The following ACTN2 variants were observed in gnomAD, a reference collection of about 807,000 sequenced individuals.
ACTN2 encodes the protein alpha-actinin-2.
ACTN2 carries 39 observed loss-of-function variants against 113.8 expected under a neutral mutation model. The observed-to-expected ratio is 0.34, with a 90% CI of 0.27 to 0.45. The LOEUF is 0.45. Among genes scored for constraint, ACTN2 ranks in the 20% least tolerant of loss-of-function variants. ACTN2 has a pLI of 1.00. For synonymous variants in ACTN2, 429 were observed against 444.1 expected (o/e 0.97, Z 0.43); for missense variants, 992 against 1,177.9 (o/e 0.84, Z 2.31).
At chr1:236,698,594 TG>T (rs1179831860) in intron 1 of ACTN2, among the ~76,000 whole-genome samples, 3 of 152,218 alleles carry the variant, frequency 2.0e-5, no homozygotes, top group African/African-American at 7.2e-5. Context: ...AAATATAAGG[TG>T]GCTGATTATT....
chr1:236,696,588 T>G (rs1421835985), intron 1 of ACTN2, among the ~76,000 whole-genome samples: 1 of 152,188 alleles, frequency 6.6e-6, no homozygotes, highest in Non-Finnish European at 1.5e-5. Context: ...ATGAAATACT[T>G]GATGCTGACC....
chr1:236,757,317 G>A (rs1659578394), intron 17 of ACTN2, among the ~76,000 whole-genome samples, 169 bp from the exon 18 acceptor site: 1 of 152,208 alleles, frequency 6.6e-6, no homozygotes, highest in Non-Finnish European at 1.5e-5. Flanking sequence ...TCTCACTACA[G>A]AATCTTGCAA....
At chr1:236,706,821 C>A (rs1657836180) in intron 1 of ACTN2, among the ~76,000 whole-genome samples, 1 of 152,314 alleles carries the variant, frequency 6.6e-6, no homozygotes, top group East Asian at 1.9e-4. Flanking sequence ...AAAACTTTAA[C>A]AGGTACAAGC....
At chr1:236,752,508 T>TGGGGG (rs1659425538) in intron 15 of ACTN2, among the ~76,000 whole-genome samples, 2 of 127,296 alleles carry the variant, frequency 1.6e-5, no homozygotes, top group Non-Finnish European at 1.6e-5. Context: ...CTTGCGGGGG[T>TGGGGG]GGGGGCGGGG....
At chr1:236,761,403 T>C (rs1252543062) in intron 20 of ACTN2, among the ~76,000 whole-genome samples, 1 of 150,818 alleles carries the variant, frequency 6.6e-6, no homozygotes, top group Non-Finnish European at 1.5e-5. Flanking sequence ...TGAGTTTTTA[T>C]AGAAGGGACA....
chr1:236,712,769 A>C (rs1277278198), intron 1 of ACTN2, among the ~76,000 whole-genome samples: 1 of 152,196 alleles, frequency 6.6e-6, no homozygotes, highest in African/African-American at 2.4e-5. Flanking sequence ...TATATCCAGA[A>C]GTGCTTCTGA....
chr1:236,736,529 G>C (rs946525997), intron 8 of ACTN2: 2 of 1,369,480 alleles, frequency 1.5e-6, no homozygotes, highest in African/African-American at 2.9e-5. Context: ...ACAGAGAATT[G>C]TGTATTACCT....
At position 236,736,650 on chromosome 1, in the gene ACTN2, A is replaced by C. The variant is rs1413247579; in HGVS notation, c.784-472A>C. ...CATATCAGGAGATGAGGAGGTCTTC[A>C]GTGAATTCAAGTGCAATGGTATATC... On this transcript the variant is annotated intron_variant, in intron 8 of 20. Coordinates refer to ENST00000366578, the MANE Select transcript of ACTN2 (RefSeq NM_001103.4). The C allele has an allele frequency of 2.9e-5, 44 of 1,529,988 alleles. No individual in the cohort carries two copies. The highest frequency in any genetic ancestry group is 8.8e-7 in the Non-Finnish European group (1 of 1,141,534). The allele number at this position is 1,529,988 out of a possible 1,614,324, so 94.8% of individuals were successfully genotyped here.
chr1:236,745,979 C>G lies in ACTN2; in HGVS notation c.1406+1203C>G, dbSNP rs141236994. Reference sequence around the variant, plus strand: ...GAGATCAAGACCATCCTGGCTAACACGGTGAAACCCCGTATCTACTAAAAA... The same window carrying G: ...GAGATCAAGACCATCCTGGCTAACAGGGTGAAACCCCGTATCTACTAAAAA... On this transcript the variant is annotated intron_variant, in intron 12 of 20. Coordinates refer to ENST00000366578, the MANE Select transcript of ACTN2 (RefSeq NM_001103.4). 8.7e-3 allele frequency among the ~76,000 whole-genome samples: 1,326 copies of G among 151,706 alleles called. 9 individuals are homozygous for G. The highest frequency in any genetic ancestry group is 0.015 in the Non-Finnish European group (990 of 67,896).
rs1049545925 is a variant in ACTN2, at chr1:236,762,731, A to G, written c.*112A>G. 3.1e-4 allele frequency: 392 copies of G among 1,258,722 alleles called. 2 individuals are homozygous for G. The highest frequency in any genetic ancestry group is 5.0e-4 in the Middle Eastern group (2 of 3,988). 78.0% of individuals were successfully genotyped at this position (1,258,722 alleles called of 1,614,324 possible). On this transcript the variant is annotated 3_prime_UTR_variant, in exon 21 of 21. Transcript: ENST00000366578. ...ATTAAGTTGAGAGAGAGAGAGGGGA[A>G]AAAAAAAAGCCTTTCGTAGTTCAGT...
At chr1:236,721,720 G>C (rs1242437897) in intron 4 of ACTN2, among the ~76,000 whole-genome samples, 2 of 152,070 alleles carry the variant, frequency 1.3e-5, no homozygotes, top group Admixed American at 6.6e-5. Flanking sequence ...TATTTAAACT[G>C]TTGAACCCAC....
intron 12 of ACTN2, among the ~76,000 whole-genome samples, chr1:236,746,158 T>C (rs185478051): frequency 3.6e-5 from 3 of 84,406 alleles, no homozygotes; most frequent in African/African-American, 1.5e-4. Flanking sequence ...AGAGCAAGAC[T>C]CCATCTCAAA....
chr1:236,732,649 G>A (rs995929325), intron 7 of ACTN2, among the ~76,000 whole-genome samples: 16 of 151,860 alleles, frequency 1.1e-4, no homozygotes, highest in Admixed American at 1.1e-3. Flanking sequence ...CACCATGTTG[G>A]CCAGGCTGGT....
chr1:236,739,996 A>G (rs1463910190), intron 10 of ACTN2, among the ~76,000 whole-genome samples: 1 of 152,196 alleles, frequency 6.6e-6, no homozygotes, highest in Non-Finnish European at 1.5e-5. Context: ...TCTGCCAGTC[A>G]CAAGCTAAAA....
Position 236,686,813 on chromosome 1 carries a change from C to A in ACTN2, c.126+14C>A. The stretch of plus-strand genomic sequence containing the variant: ...CAGCAGAGGAAGGTCAGCAGGGGCC[C>A]GCGGGCCGCCCGCGCGTGGTGGGGC... On this transcript the variant is annotated intron_variant, in intron 1 of 20. Transcript: ENST00000366578. 2 of 1,477,710 alleles carry A rather than the reference C, an allele frequency of 1.4e-6. No homozygotes were observed. The highest frequency in any genetic ancestry group is 9.0e-7 in the Non-Finnish European group (1 of 1,109,352). 91.5% of individuals were successfully genotyped at this position (1,477,710 alleles called of 1,614,324 possible). A position where few individuals can be genotyped will look rare whatever the true frequency, so the allele number is the denominator to read the frequency against.
At chr1:236,749,586 C>T (rs565602127) in intron 14 of ACTN2, among the ~76,000 whole-genome samples, 91 of 152,102 alleles carry the variant, frequency 6.0e-4, no homozygotes, top group African/African-American at 2.1e-3. Flanking sequence ...TGCTTGAGCT[C>T]AGGTGTTCGA....
chr1:236,696,349 A>G (rs550281063), intron 1 of ACTN2, among the ~76,000 whole-genome samples: 3 of 151,774 alleles, frequency 2.0e-5, no homozygotes, highest in African/African-American at 4.8e-5. Context: ...TTTTGGGGGA[A>G]TGGGAGCAGT....
chr1:236,686,605 T>C lies in ACTN2; in HGVS notation c.-69T>C. On this transcript the variant is annotated 5_prime_UTR_variant, in exon 1 of 21. Coordinates refer to ENST00000366578, the MANE Select transcript of ACTN2 (RefSeq NM_001103.4). ...GCCCGCCGCCCGCCGCCTCCGTGGGTCCGTTTGCCAGTCAGCCCGTGCGTC... is the reference window on the plus strand; with the variant it reads ...GCCCGCCGCCCGCCGCCTCCGTGGGCCCGTTTGCCAGTCAGCCCGTGCGTC... 1 of 1,475,274 alleles carries C rather than the reference T, an allele frequency of 6.8e-7. No homozygotes were observed. Among genetic ancestry groups the C allele is most frequent in the Non-Finnish European group, 9.0e-7 (1 of 1,111,814 alleles). 91.4% of individuals were successfully genotyped at this position (1,475,274 alleles called of 1,614,324 possible). A position where few individuals can be genotyped will look rare whatever the true frequency, so the allele number is the denominator to read the frequency against.
rs767275730 is a variant in ACTN2, at chr1:236,763,998, T to A, written c.*1379T>A. 4.6e-5 allele frequency: 7 copies of A among 152,194 alleles called. No homozygotes were observed. The highest frequency in any genetic ancestry group is 1.0e-4 in the Non-Finnish European group (7 of 68,036). 9.4% of individuals were successfully genotyped at this position (152,194 alleles called of 1,614,324 possible). On this transcript the variant is annotated 3_prime_UTR_variant, in exon 21 of 21. Coordinates refer to ENST00000366578, the MANE Select transcript of ACTN2 (RefSeq NM_001103.4). ...TGGATTACAAACAAACAAAAACAGT[T>A]GCAAACAGCAATTAAAGCATTACTA...
Sources: gnomAD v4.1 joint callset for allele counts (sites outside exome capture counted in the v4.1 genomes callset) on GRCh38, gnomAD v4.1.1 for gene constraint, MANE v1.5 for transcripts, NCBI Gene and HGNC (gene_info 2026-07-23, HGNC 2026-07-21) for gene names.